Variants in CPQ observed in about 807,000 individuals in gnomAD.
The protein encoded by CPQ is carboxypeptidase Q, also known as Ser-Met dipeptidase.
CPQ carries 37 observed loss-of-function variants against 45.7 expected under a neutral mutation model. The ratio of observed to expected loss-of-function variants is 0.81; its 90% CI spans 0.62 to 1.07. The LOEUF is 1.07. Ranked by LOEUF, CPQ falls within the 50% of genes least tolerant of loss-of-function variation. CPQ has a pLI of 0.00. For synonymous variants in CPQ, 186 were observed against 205.8 expected (o/e 0.90, Z 0.82); for missense variants, 537 against 572.9 (o/e 0.94, Z 0.64).
chr8:96,694,007 C>T (rs1437953774), intron 1 of CPQ, among the ~76,000 whole-genome samples: 3 of 152,008 alleles, frequency 2.0e-5, no homozygotes, highest in Non-Finnish European at 4.4e-5. Flanking sequence ...TTTTTGCTTG[C>T]TTGTTAGTTT....
chr8:96,966,083 A>G, intron 5 of CPQ, 37 bp downstream of exon 5: 1 of 1,433,442 alleles, frequency 7.0e-7, no homozygotes, highest in African/African-American at 1.4e-5. Flanking sequence ...ATGTGTGAGG[A>G]TCTCAGTGAC....
chr8:96,876,386 C>A (rs568498500), intron 3 of CPQ, among the ~76,000 whole-genome samples: 14 of 151,914 alleles, frequency 9.2e-5, no homozygotes, highest in Non-Finnish European at 1.9e-4. Context: ...AAAAGAGATA[C>A]TTTTACTTCT....
At chr8:96,682,421 C>T (rs1287905520) in intron 1 of CPQ, among the ~76,000 whole-genome samples, 1 of 152,230 alleles carries the variant, frequency 6.6e-6, no homozygotes, top group Non-Finnish European at 1.5e-5. Flanking sequence ...ACTTGCTTCT[C>T]CTTGCCTTCT....
intron 2 of CPQ, among the ~76,000 whole-genome samples, chr8:96,825,686 T>C (rs1044732888): frequency 1.3e-5 from 2 of 152,074 alleles, no homozygotes; most frequent in African/African-American, 2.4e-5. Context: ...TGACAAATTA[T>C]GTTGTATTGA....
chr8:96,932,409 T>TTC (rs1220486691), intron 4 of CPQ, among the ~76,000 whole-genome samples: 1 of 152,254 alleles, frequency 6.6e-6, no homozygotes, highest in Non-Finnish European at 1.5e-5. Context: ...TGTATCCTTT[T>TTC]TCAACTTGAT....
chr8:97,109,869 T>A (rs1034511373), intron 7 of CPQ, among the ~76,000 whole-genome samples: 2 of 152,168 alleles, frequency 1.3e-5, no homozygotes, highest in Non-Finnish European at 2.9e-5. Flanking sequence ...TCTCCATTTC[T>A]TCCTCCTTCT....
chr8:96,870,200 G>T (rs1459388199), intron 3 of CPQ, among the ~76,000 whole-genome samples: 1 of 151,900 alleles, frequency 6.6e-6, no homozygotes, highest in Non-Finnish European at 1.5e-5. Flanking sequence ...GGAATATAAA[G>T]ATTAAAAGGT....
chr8:96,815,906 A>G (rs1355036824), intron 2 of CPQ, among the ~76,000 whole-genome samples: 1 of 152,166 alleles, frequency 6.6e-6, no homozygotes, highest in Non-Finnish European at 1.5e-5. Context: ...ATATATTGCT[A>G]AAAATGCTAA....
intron 5 of CPQ, among the ~76,000 whole-genome samples, chr8:97,022,998 G>GTA (rs1277109896): frequency 1.7e-3 from 236 of 141,952 alleles, no homozygotes; most frequent in African/African-American, 6.1e-3. Context: ...TATATATACA[G>GTA]TATATATATA....
At chr8:97,018,920 C>A (rs944042525) in intron 5 of CPQ, among the ~76,000 whole-genome samples, 2 of 152,164 alleles carry the variant, frequency 1.3e-5, no homozygotes, top group African/African-American at 4.8e-5. Flanking sequence ...ACCACCTAGG[C>A]ACATTGTCCT....
At chr8:96,843,432 G>T (rs1811643233) in intron 3 of CPQ, among the ~76,000 whole-genome samples, 1 of 152,046 alleles carries the variant, frequency 6.6e-6, no homozygotes, top group African/African-American at 2.4e-5. Context: ...AGAAAGAAGA[G>T]CTTGATTTAG....
intron 6 of CPQ, among the ~76,000 whole-genome samples, chr8:97,059,119 C>T (rs924397463): frequency 2.0e-5 from 3 of 152,066 alleles, no homozygotes; most frequent in Non-Finnish European, 4.4e-5. Context: ...GGAGAATTCA[C>T]TAAGATCTAG....
At chr8:96,731,616 A>G (rs1809914023) in intron 1 of CPQ, among the ~76,000 whole-genome samples, 1 of 152,190 alleles carries the variant, frequency 6.6e-6, no homozygotes, top group Admixed American at 6.5e-5. Context: ...GAAATGCTCT[A>G]TAATTCAGAT....
At chr8:96,996,703 C>G (rs1004528316) in intron 5 of CPQ, among the ~76,000 whole-genome samples, 11 of 151,844 alleles carry the variant, frequency 7.2e-5, no homozygotes, top group African/African-American at 2.7e-4. Context: ...TGTTTTCAAC[C>G]AGTTGCTTGT....
chr8:97,001,457 T>C (rs575188039), intron 5 of CPQ, among the ~76,000 whole-genome samples: 10 of 152,198 alleles, frequency 6.6e-5, no homozygotes, highest in Admixed American at 2.0e-4. Flanking sequence ...ACATGAATCG[T>C]TGTTGAATTT....
At chr8:97,030,271 C>T (rs1809878316) in intron 6 of CPQ, among the ~76,000 whole-genome samples, 1 of 152,186 alleles carries the variant, frequency 6.6e-6, no homozygotes, top group African/African-American at 2.4e-5. Context: ...GGATGGTTTC[C>T]CCTGAATGTC....
At chr8:96,835,556 A>G (rs1554571901) in intron 3 of CPQ, among the ~76,000 whole-genome samples, 1 of 152,204 alleles carries the variant, frequency 6.6e-6, no homozygotes, top group Non-Finnish European at 1.5e-5. Context: ...CCATGTTGCT[A>G]GAGAAGTGGA....
intron 1 of CPQ, among the ~76,000 whole-genome samples, chr8:96,779,100 C>T (rs944644733): frequency 4.7e-5 from 7 of 148,806 alleles, no homozygotes; most frequent in East Asian, 2.0e-4. Flanking sequence ...TTTATTAATA[C>T]GAGTGACATA....
intron 6 of CPQ, among the ~76,000 whole-genome samples, chr8:97,065,793 A>C (rs1050948954): frequency 1.8e-4 from 28 of 152,260 alleles, no homozygotes; most frequent in Non-Finnish European, 3.4e-4. Flanking sequence ...TAATCCTTTC[A>C]AGCCAACTCT....
Sources: allele counts gnomAD v4.1 joint callset (sites outside exome capture counted in the v4.1 genomes callset), GRCh38; gene constraint gnomAD v4.1.1; transcripts MANE v1.5; gene names NCBI Gene and HGNC (gene_info 2026-07-23, HGNC 2026-07-21).